The following METTL24 variants were observed in gnomAD, a reference collection of about 807,000 sequenced individuals.
The protein encoded by METTL24 is methyltransferase like 24, also known as probable methyltransferase-like protein 24.
A neutral mutation model predicts 32.7 loss-of-function variants in METTL24; 29 were observed. That is an observed-to-expected ratio of 0.89 (90% confidence interval 0.66 to 1.21). The LOEUF (loss-of-function observed/expected upper bound fraction) is 1.21. Among genes scored for constraint, METTL24 ranks in the 50% most tolerant of loss-of-function variants. The pLI, the probability that METTL24 is intolerant of heterozygous loss-of-function variation, is 0.00. For missense variants in METTL24, 439 were observed against 468.1 expected (o/e 0.94, Z 0.57); for synonymous variants, 163 against 179.5 (o/e 0.91, Z 0.73).
intron 4 of METTL24, among the ~76,000 whole-genome samples, chr6:110,289,712 AT>A (rs2114724074): frequency 6.6e-6 from 1 of 152,338 alleles, no homozygotes; most frequent in South Asian, 2.1e-4. Context: ...CATGGAAAAT[AT>A]TTTAACTGTT....
rs73526908 is a variant in METTL24 at position 110,341,748 on chromosome 6, G to A, written c.318+16207C>T. Among the ~76,000 whole-genome samples, 1,519 of 152,216 alleles carry A rather than the reference G, an allele frequency of 1.0e-2. 25 individuals are homozygous for A. The highest frequency in any genetic ancestry group is 0.033 in the African/African-American group (1,386 of 41,522). On this transcript the variant is annotated intron_variant, in intron 1 of 4. Transcript: ENST00000338882. The stretch of plus-strand genomic sequence containing the variant: ...ACCTCATCTGATCTGGATTATAATC[G>A]CAATTTATCTCAATCCAGTAATTTA...
chr6:110,350,568 T>C (rs1772575058), intron 1 of METTL24, among the ~76,000 whole-genome samples: 1 of 152,014 alleles, frequency 6.6e-6, no homozygotes, highest in African/African-American at 2.4e-5. Context: ...ACTCTAAGTT[T>C]CGTTTGAGAA....
chr6:110,298,550 G>A (rs557790187), intron 4 of METTL24, among the ~76,000 whole-genome samples: 2 of 137,460 alleles, frequency 1.5e-5, no homozygotes, highest in Admixed American at 6.7e-5. Flanking sequence ...ACATAACCCC[G>A]ATTTTTTTTT....
At chr6:110,281,516 C>T (rs546467440) in intron 4 of METTL24, among the ~76,000 whole-genome samples, 21 of 152,106 alleles carry the variant, frequency 1.4e-4, no homozygotes, top group African/African-American at 4.8e-4. Context: ...TGGCTCACAC[C>T]TGTAATCCCA....
At chr6:110,256,538 T>C (rs1437112431) in intron 4 of METTL24, among the ~76,000 whole-genome samples, 1 of 152,152 alleles carries the variant, frequency 6.6e-6, no homozygotes, top group African/African-American at 2.4e-5. Flanking sequence ...CAAGTTCCTA[T>C]CAGAGGTCCT....
chr6:110,260,729 C>A (rs1342753253), intron 4 of METTL24, among the ~76,000 whole-genome samples: 2 of 152,138 alleles, frequency 1.3e-5, no homozygotes, highest in African/African-American at 4.8e-5. Flanking sequence ...GATTGGATTA[C>A]CCACAAAAGG....
At chr6:110,293,053 A>G (rs939519525) in intron 4 of METTL24, among the ~76,000 whole-genome samples, 1 of 151,996 alleles carries the variant, frequency 6.6e-6, no homozygotes, top group African/African-American at 2.4e-5. Flanking sequence ...TTACTCCTTT[A>G]TCAGAATTTG....
chr6:110,344,687 T>G (rs887044585), intron 1 of METTL24, among the ~76,000 whole-genome samples: 4 of 152,058 alleles, frequency 2.6e-5, no homozygotes, highest in Non-Finnish European at 5.9e-5. Context: ...GGGGAAAGGA[T>G]TCTCTATTCA....
At chr6:110,352,261 A>G (rs768972509) in intron 1 of METTL24, among the ~76,000 whole-genome samples, 2 of 152,232 alleles carry the variant, frequency 1.3e-5, no homozygotes, top group Non-Finnish European at 2.9e-5. Context: ...TAGGAAAATA[A>G]TTGCTAATTT....
chr6:110,287,320 G>A (rs1771241039), intron 4 of METTL24, among the ~76,000 whole-genome samples: 2 of 152,132 alleles, frequency 1.3e-5, no homozygotes, highest in East Asian at 1.9e-4. Context: ...GCAGATTGAC[G>A]GAGACCGACA....
chr6:110,309,976 T>C (rs993224433), intron 3 of METTL24, among the ~76,000 whole-genome samples: 1 of 152,176 alleles, frequency 6.6e-6, no homozygotes, highest in African/African-American at 2.4e-5. Flanking sequence ...TTATCTATGG[T>C]TTTAAATTTT....
chr6:110,322,026 G>A (rs999764900), intron 2 of METTL24, among the ~76,000 whole-genome samples: 5 of 152,160 alleles, frequency 3.3e-5, no homozygotes, highest in African/African-American at 1.2e-4. Context: ...GCACCTCTCA[G>A]TTCAGGGCTA....
intron 4 of METTL24, among the ~76,000 whole-genome samples, chr6:110,268,233 A>G (rs1439598554): frequency 1.3e-5 from 2 of 152,194 alleles, no homozygotes; most frequent in Non-Finnish European, 2.9e-5. Flanking sequence ...AGCCAAGACC[A>G]ATAGCAAACA....
chr6:110,265,860 C>CTCCTCCTCCTCCTCCTTCT (rs2114704530), intron 4 of METTL24, among the ~76,000 whole-genome samples: 1 of 151,154 alleles, frequency 6.6e-6, no homozygotes, highest in African/African-American at 2.4e-5. Context: ...CTTCCTCTTC[C>CTCCTCCTCCTCCTCCTTCT]TCCTCCTCCT....
chr6:110,310,481 C>T (rs1443178017), intron 3 of METTL24, among the ~76,000 whole-genome samples: 2 of 152,092 alleles, frequency 1.3e-5, no homozygotes, highest in Non-Finnish European at 1.5e-5. Flanking sequence ...GACTTGCAGG[C>T]CAGGCCCTGT....
intron 4 of METTL24, among the ~76,000 whole-genome samples, chr6:110,263,024 G>A (rs1401658810): frequency 2.0e-5 from 3 of 152,160 alleles, no homozygotes; most frequent in Non-Finnish European, 4.4e-5. Context: ...TACTGAATGT[G>A]CAAAAACTGG....
At chr6:110,298,191 A>C (rs2114731074) in intron 4 of METTL24, among the ~76,000 whole-genome samples, 1 of 152,338 alleles carries the variant, frequency 6.6e-6, no homozygotes, top group Middle Eastern at 3.4e-3. Context: ...AAATAGCCAA[A>C]CCCAAGAAAG....
At chr6:110,320,908 AG>A (rs1391432153) in intron 2 of METTL24, among the ~76,000 whole-genome samples, 1 of 152,134 alleles carries the variant, frequency 6.6e-6, no homozygotes, top group Non-Finnish European at 1.5e-5. Context: ...TGAAGTACCC[AG>A]GTTTACAAGA....
chr6:110,266,444 T>C (rs1770859567), intron 4 of METTL24, among the ~76,000 whole-genome samples: 2 of 152,182 alleles, frequency 1.3e-5, no homozygotes, highest in Non-Finnish European at 2.9e-5. Flanking sequence ...CTACTGTTCT[T>C]ATTTAGCACT....
Sources: gnomAD v4.1 joint callset for allele counts (sites outside exome capture counted in the v4.1 genomes callset) on GRCh38, gnomAD v4.1.1 for gene constraint, MANE v1.5 for transcripts, NCBI Gene and HGNC (gene_info 2026-07-23, HGNC 2026-07-21) for gene names.